Variants in HGD observed in about 807,000 individuals in gnomAD.
The protein encoded by HGD is homogentisate oxidase.
Under a neutral mutation model 60.8 loss-of-function variants are expected in HGD, and 61 were observed. The observed-to-expected ratio is 1.00, with a 90% CI of 0.82 to 1.24. The LOEUF (loss-of-function observed/expected upper bound fraction) is 1.24. HGD is among the 50% of genes most tolerant of loss of function. The probability of loss-of-function intolerance (pLI) is 0.00; values close to 1 mark genes in which losing one functional copy is unlikely to be tolerated. For missense variants in HGD, 542 were observed against 547.1 expected (o/e 0.99, Z 0.09); for synonymous variants, 212 against 187.7 (o/e 1.13, Z -1.06).
rs1940479409 is a variant in HGD at position 120,628,208 on chromosome 3, G to T, written c.*172C>A. On this transcript the variant is annotated 3_prime_UTR_variant, in exon 14 of 14. Transcript: ENST00000283871. ...CCAGCAAGTTTATTGAGTAATTAAG[G>T]TGACAGCCATAGAACTTTGCAAATG... 7.2e-6 allele frequency: 5 copies of T among 690,618 alleles called. No individual in the cohort carries two copies. The highest frequency in any genetic ancestry group is 7.6e-6 in the Non-Finnish European group (3 of 396,292). The allele number at this position is 690,618 out of a possible 1,614,324, so 42.8% of individuals were successfully genotyped here.
intron 4 of HGD, among the ~76,000 whole-genome samples, chr3:120,657,054 T>C (rs936694046): frequency 6.6e-6 from 1 of 152,252 alleles, no homozygotes; most frequent in South Asian, 2.1e-4. Flanking sequence ...TGTTCAGTTG[T>C]TCTATCAACT....
At chr3:120,642,636 G>C (rs1941024300) in intron 10 of HGD, among the ~76,000 whole-genome samples, 1 of 152,164 alleles carries the variant, frequency 6.6e-6, no homozygotes, top group Admixed American at 6.5e-5. Flanking sequence ...TACACAGTTG[G>C]ACAGAAGCGT....
At chr3:120,635,345 C>T (rs953265197) in intron 12 of HGD, among the ~76,000 whole-genome samples, 6 of 151,830 alleles carry the variant, frequency 4.0e-5, no homozygotes, top group East Asian at 1.9e-4. Flanking sequence ...GGCGTGGTAG[C>T]GGGCGCCTGT....
At chr3:120,641,135 T>C (rs1050694756) in intron 11 of HGD, among the ~76,000 whole-genome samples, 1 of 152,180 alleles carries the variant, frequency 6.6e-6, no homozygotes, top group African/African-American at 2.4e-5. Context: ...GTTCACTCTG[T>C]CACTGCCAAA....
At chr3:120,651,879 C>T (rs975122865) in intron 5 of HGD, among the ~76,000 whole-genome samples, 1 of 152,216 alleles carries the variant, frequency 6.6e-6, no homozygotes, top group Non-Finnish European at 1.5e-5. Flanking sequence ...CAAGCATCTA[C>T]TTCAGGGAGA....
At chr3:120,675,020 C>T in intron 2 of HGD, 31 bp from the exon 3 acceptor site, 2 of 1,481,384 alleles carry the variant, frequency 1.4e-6, no homozygotes, top group Non-Finnish European at 1.9e-6. Flanking sequence ...AACAATATTA[C>T]TCCCATCCGA....
At chr3:120,648,466 C>T (rs1349750314) in intron 6 of HGD, among the ~76,000 whole-genome samples, 1 of 152,246 alleles carries the variant, frequency 6.6e-6, no homozygotes, top group African/African-American at 2.4e-5. Flanking sequence ...TGATTCATGG[C>T]TCACAAGGTC....
intron 4 of HGD, among the ~76,000 whole-genome samples, chr3:120,661,443 A>C (rs942337712): frequency 6.6e-6 from 1 of 152,188 alleles, no homozygotes; most frequent in African/African-American, 2.4e-5. Flanking sequence ...TAGATGCTGG[A>C]GGTGAACATG....
At chr3:120,651,883 A>G (rs1941353947) in intron 5 of HGD, among the ~76,000 whole-genome samples, 1 of 152,226 alleles carries the variant, frequency 6.6e-6, no homozygotes. Context: ...CATCTACTTC[A>G]GGGAGATTTA....
chr3:120,666,702 G>A (rs974014931), intron 4 of HGD, among the ~76,000 whole-genome samples: 4 of 151,920 alleles, frequency 2.6e-5, no homozygotes, highest in Admixed American at 2.0e-4. Context: ...AGCTGTTCTC[G>A]ATCTCCTGAC....
intron 6 of HGD, among the ~76,000 whole-genome samples, chr3:120,649,600 T>C (rs1364123345): frequency 1.3e-5 from 2 of 152,186 alleles, no homozygotes; most frequent in East Asian, 3.9e-4. Flanking sequence ...ACTGTCATTT[T>C]TGTGCATAAA....
At chr3:120,663,736 T>C (rs886128991) in intron 4 of HGD, among the ~76,000 whole-genome samples, 7 of 151,744 alleles carry the variant, frequency 4.6e-5, no homozygotes, top group Non-Finnish European at 8.8e-5. Context: ...TACTACATAA[T>C]AGCAAAAATG....
chr3:120,649,936 C>T (rs374848749), intron 6 of HGD, among the ~76,000 whole-genome samples: 1 of 152,088 alleles, frequency 6.6e-6, no homozygotes, highest in African/African-American at 2.4e-5. Context: ...ACCCACAAAA[C>T]CCCTAGGTCA....
Position 120,673,973 on chromosome 3 carries a change from A to G in HGD, c.176+928T>C, listed in dbSNP as rs181223459. 6.6e-5 allele frequency among the ~76,000 whole-genome samples: 10 copies of G among 152,310 alleles called. No individual in the cohort carries two copies. The East Asian group carries it at 1.9e-3, about 29-fold the overall frequency. On this transcript the variant is annotated intron_variant, in intron 3 of 13. Coordinates refer to ENST00000283871, the MANE Select transcript of HGD (RefSeq NM_000187.4). ...AGCTGGAAAAGGAGCCAGGATTTAT[A>G]CTTAGGGGGCCTGCCTCCAGGGTGG...
Position 120,628,501 on chromosome 3 carries a change from A to G in HGD, c.1217T>C (p.Leu406Pro), listed in dbSNP as rs1389992114. ...CTTGAGTCCCCACTTTGTGACCGCC[A>G]GACTTAAAGATGATTCAAACATAAA... ...MAFMFESSLS[L>P]AVTKWGLKAS... is the part of the protein sequence containing the mutation. The change falls in exon 14 of 14, where the codon CTG becomes CCG. Residue 406 changes from leucine to proline, a missense_variant. Physicochemically the swap from Leu to Pro is moderately conservative, Grantham distance 98 (BLOSUM62 -3). Coordinates refer to ENST00000283871, the MANE Select transcript of HGD (RefSeq NM_000187.4). 6.2e-7 allele frequency: 1 copy of G among 1,614,014 alleles called. No individual in the cohort carries two copies. The highest frequency in any genetic ancestry group is 8.5e-7 in the Non-Finnish European group (1 of 1,179,996).
At chr3:120,673,536 T>C (rs1382890520) in intron 3 of HGD, among the ~76,000 whole-genome samples, 1 of 152,140 alleles carries the variant, frequency 6.6e-6, no homozygotes, top group African/African-American at 2.4e-5. Flanking sequence ...GATTAAATAG[T>C]GAAGGAATTA....
At chr3:120,631,898 G>A (rs761875534) in intron 13 of HGD, among the ~76,000 whole-genome samples, 4 of 152,206 alleles carry the variant, frequency 2.6e-5, no homozygotes, top group Admixed American at 6.5e-5. Flanking sequence ...CCTGTCCTAC[G>A]CCTCACTGTT....
chr3:120,630,572 A>T (rs1296756025), intron 13 of HGD, among the ~76,000 whole-genome samples: 1 of 152,038 alleles, frequency 6.6e-6, no homozygotes, highest in East Asian at 1.9e-4. Context: ...GGCTAGTCAT[A>T]AGCAGAAGAT....
At chr3:120,648,613 T>G (rs1216207527) in intron 6 of HGD, among the ~76,000 whole-genome samples, 1 of 152,240 alleles carries the variant, frequency 6.6e-6, no homozygotes, top group Non-Finnish European at 1.5e-5. Flanking sequence ...TTAAGAATTT[T>G]AAGCTTACAC....
Sources: allele counts gnomAD v4.1 joint callset (sites outside exome capture counted in the v4.1 genomes callset), GRCh38; gene constraint gnomAD v4.1.1; transcripts MANE v1.5; gene names NCBI Gene and HGNC (gene_info 2026-07-23, HGNC 2026-07-21).